IGSF9B: variants seen among roughly 807,000 people sequenced by gnomAD.
The protein encoded by IGSF9B is immunoglobulin superfamily member 9B, also known as protein turtle homolog B.
In IGSF9B, 48 loss-of-function variants were observed where a neutral mutation model predicts 143.7. The observed-to-expected ratio is 0.33, with a 90% confidence interval of 0.26 to 0.42. The LOEUF (loss-of-function observed/expected upper bound fraction) is 0.42. Ranked by LOEUF, IGSF9B falls within the 20% of genes least tolerant of loss-of-function variation. The pLI, the probability that IGSF9B is intolerant of heterozygous loss-of-function variation, is 1.00. For synonymous variants in IGSF9B, 903 were observed against 833.1 expected (o/e 1.08, Z -1.44); for missense variants, 1,706 against 1,980.0 (o/e 0.86, Z 2.63).
chr11:133,907,823 C>G lies in IGSF9B; in HGVS notation c.*1246G>C, dbSNP rs934142323. ...GCCCCAGCAGCCAGAGGCGCCCTAG[C>G]TTCACCTGAGCTCATCCCCCTGCAG... On this transcript the variant is annotated 3_prime_UTR_variant, in exon 20 of 20. Coordinates refer to ENST00000533871, the MANE Select transcript of IGSF9B (RefSeq NM_001277285.4). 1.3e-5 allele frequency among the ~76,000 whole-genome samples: 2 copies of G among 152,228 alleles called. No individual in the cohort carries two copies. Among genetic ancestry groups the G allele is most frequent in the African/African-American group, 4.8e-5 (2 of 41,480 alleles).
rs147664648 is a variant in IGSF9B at position 133,902,568 on chromosome 11, CCACA to C, written c.*6497_*6500del. ...CACACACCACATACACACACACACC[CCACA>C]CACACACACACACACCCCACTTACT... On this transcript the variant is annotated 3_prime_UTR_variant, in exon 20 of 20. Transcript: ENST00000533871. Among the ~76,000 whole-genome samples, 9 of 145,146 alleles carry C rather than the reference CCACA, an allele frequency of 6.2e-5. No homozygotes were observed. Among genetic ancestry groups the C allele is most frequent in the Admixed American group, 6.9e-5 (1 of 14,592 alleles).
chr11:133,936,247 C>G, intron 5 of IGSF9B, 53 bp from the exon 6 acceptor site: 1 of 1,559,138 alleles, frequency 6.4e-7, no homozygotes. Flanking sequence ...ACGGCAGCAG[C>G]ACCCAGGCCT....
rs1368827167 is a variant in IGSF9B at position 133,932,134 on chromosome 11, G to C, written c.1047C>G (p.Asp349Glu). ...TGACCACGGTGGCCGGTGGTTCTGCGTCCACAGGGCAGCGGATGTAGCCAT... is the reference window on the plus strand; with the variant it reads ...TGACCACGGTGGCCGGTGGTTCTGCCTCCACAGGGCAGCGGATGTAGCCAT... ...GIHGYIRCPVDAEPPATVVKW... is the reference protein window; with the variant it reads ...GIHGYIRCPVEAEPPATVVKW... Residue 349 changes from aspartate to glutamate, a missense_variant, in exon 8 of 20, where the codon GAC (aspartate) becomes GAG (glutamate). Around this residue, in one of 7 missense-constraint regions of IGSF9B, gnomAD observed 238 missense variants for 452.6 expected, o/e 0.53. Coordinates refer to ENST00000533871, the MANE Select transcript of IGSF9B (RefSeq NM_001277285.4). 1 of 1,613,090 alleles carries C rather than the reference G, an allele frequency of 6.2e-7. No individual in the cohort carries two copies. Among genetic ancestry groups the C allele is most frequent in the South Asian group, 1.1e-5 (1 of 90,886 alleles).
intron 7 of IGSF9B, among the ~76,000 whole-genome samples, chr11:133,935,333 G>C (rs942351477): frequency 4.6e-5 from 7 of 152,262 alleles, no homozygotes; most frequent in Non-Finnish European, 8.8e-5. Context: ...CCACCGTTCA[G>C]AAGGAACTGC....
intron 15 of IGSF9B, among the ~76,000 whole-genome samples, chr11:133,923,552 G>T (rs544881972): frequency 6.6e-6 from 1 of 152,348 alleles, no homozygotes; most frequent in South Asian, 2.1e-4. Flanking sequence ...AGTTGTGTCG[G>T]TAAGTGCCAC....
At chr11:133,934,502 G>C (rs553415674) in intron 7 of IGSF9B, among the ~76,000 whole-genome samples, 1 of 152,222 alleles carries the variant, frequency 6.6e-6, no homozygotes, top group Admixed American at 6.5e-5. Context: ...TGGACCTCAC[G>C]GCTCTCTAAA....
At position 133,909,151 on chromosome 11, in the gene IGSF9B, C is replaced by G. The variant is rs937610223; in HGVS notation, c.4232G>C (p.Cys1411Ser). ...PDPFARLSDL[C>S]HRQLPEDQTA... ...CTGGTCTTCCGGAAGCTGGCGGTGG[C>G]ACAAGTCTGAGAGCCGGGCAAAGGG... is the stretch of plus-strand genomic sequence containing the variant. Residue 1411 changes from cysteine (C) to serine (S), a missense_variant, in exon 20 of 20, where the codon TGC becomes TCC. Transcript: ENST00000533871. The surrounding 1 kb of genome is among the most constrained non-coding windows in gnomAD (Gnocchi z 4.2). 3 of 1,535,786 alleles carry G rather than the reference C, an allele frequency of 2.0e-6. No individual in the cohort carries two copies. In the African/African-American group the frequency reaches 4.1e-5, roughly 21 times the overall value.
chr11:133,922,253 G>A (rs1231221900), intron 16 of IGSF9B, 31 bp from the exon 17 acceptor site: 2 of 1,602,790 alleles, frequency 1.2e-6, no homozygotes, highest in Admixed American at 1.7e-5. Context: ...AGAGGCTGCT[G>A]AGGCCAAGCC....
At chr11:133,912,159 C>G in intron 18 of IGSF9B, 152 bp from the exon 19 acceptor site, 1 of 881,962 alleles carries the variant, frequency 1.1e-6, no homozygotes, top group Admixed American at 2.1e-5. Context: ...ATGACACCCG[C>G]CTTTCTATTG....
chr11:133,935,345 C>T (rs1939803217), intron 7 of IGSF9B, among the ~76,000 whole-genome samples: 1 of 152,228 alleles, frequency 6.6e-6, no homozygotes, highest in African/African-American at 2.4e-5. Context: ...AGGAACTGCT[C>T]AAAGGTGTCT....
intron 15 of IGSF9B, 137 bp from the exon 16 acceptor site, chr11:133,922,867 A>G (rs1591713402): frequency 1.3e-6 from 1 of 754,814 alleles, no homozygotes; most frequent in East Asian, 2.7e-5. Context: ...GCTGAACTCT[A>G]GCACTGAAGA....
Position 133,919,865 on chromosome 11 carries a change from G to A in IGSF9B, c.3860C>T (p.Pro1287Leu), listed in dbSNP as rs1939479643. The stretch of plus-strand genomic sequence containing the variant: ...CCCAGGCCCAGCAGGGGCGGGGCCG[G>A]GTGGAGGGGAAGGGTAGCCGGTGGC... ...TLATGYPSPP[P>L]GPAPAGPGDS... Residue 1287 changes from proline to leucine, a missense_variant, in exon 18 of 20, where the codon CCC (proline) becomes CTC (leucine). Physicochemically the swap from Pro to Leu is moderately conservative, Grantham distance 98. Transcript: ENST00000533871. 5 of 1,584,290 alleles carry A rather than the reference G, an allele frequency of 3.2e-6. No homozygotes were observed. The highest frequency in any genetic ancestry group is 4.3e-6 in the Non-Finnish European group (5 of 1,164,404).
At chr11:133,943,930 C>A (rs1270388809) in intron 3 of IGSF9B, among the ~76,000 whole-genome samples, 2 of 152,238 alleles carry the variant, frequency 1.3e-5, no homozygotes, top group African/African-American at 4.8e-5. Flanking sequence ...CCTCAGCCCT[C>A]CTGGTTTGAA....
intron 1 of IGSF9B, among the ~76,000 whole-genome samples, chr11:133,955,462 G>C (rs962814295): frequency 6.6e-6 from 1 of 152,360 alleles, no homozygotes; most frequent in East Asian, 1.9e-4. Flanking sequence ...GCACAGACGA[G>C]TGACGAGGGG....
At position 133,940,062 on chromosome 11, in the gene IGSF9B, A is replaced by AG. The variant is rs1555095998; in HGVS notation, c.410-2102_410-2101insC. Among the ~76,000 whole-genome samples the AG allele has an allele frequency of 3.2e-5, 4 of 124,016 alleles. 1 individual carries two copies. The highest frequency in any genetic ancestry group is 6.8e-5 in the Non-Finnish European group (4 of 58,692). 81.4% of individuals were successfully genotyped at this position (124,016 alleles called of 152,430 possible). On this transcript the variant is annotated intron_variant, in intron 3 of 19. Coordinates refer to ENST00000533871, the MANE Select transcript of IGSF9B (RefSeq NM_001277285.4). Reference sequence around the variant, plus strand: ...CTCGCATGTCCTCGCACGTGTCATCATATACAGAAACATACACCTTGCACG... The same window carrying AG: ...CTCGCATGTCCTCGCACGTGTCATCAGTATACAGAAACATACACCTTGCACG...
chr11:133,920,500 G>A lies in IGSF9B; in HGVS notation c.3225C>T (p.Gly1075=). ...AGGTGGGGGGCAGTCCTCGGGGGAG[G>A]CCGGCCTTGGGCTGCAGACTCTCGG... The part of the protein sequence containing the change: ...DVPESLQPKA[G]LPRGLPPTSL... Residue 1075 remains glycine (G), a synonymous_variant, in exon 18 of 20, where the codon GGC becomes GGT. Coordinates refer to ENST00000533871, the MANE Select transcript of IGSF9B (RefSeq NM_001277285.4). 2 of 1,585,964 alleles carry A rather than the reference G, an allele frequency of 1.3e-6. No homozygotes were observed. The highest frequency in any genetic ancestry group is 8.6e-7 in the Non-Finnish European group (1 of 1,165,320).
Position 133,920,425 on chromosome 11 carries a change from C to A in IGSF9B, c.3300G>T (p.Pro1100=). ...AYPGILSLEA[P]KGWAGKSPGR... is the part of the protein sequence containing the mutation. ...CGGGCGACTTGCCTGCCCAACCCTT[C>A]GGTGCCTCCAGAGACAGGATGCCCG... Residue 1100 remains proline (P), a synonymous_variant, in exon 18 of 20, where the codon CCG becomes CCT. Transcript: ENST00000533871. 1 of 1,583,376 alleles carries A rather than the reference C, an allele frequency of 6.3e-7. No individual in the cohort carries two copies. The highest frequency in any genetic ancestry group is 1.1e-5 in the South Asian group (1 of 87,002).
intron 7 of IGSF9B, among the ~76,000 whole-genome samples, chr11:133,934,454 T>C (rs1296395169): frequency 2.0e-5 from 3 of 152,256 alleles, no homozygotes; most frequent in African/African-American, 7.2e-5. Context: ...CAACTCGCTT[T>C]TTCCCGCTGC....
At chr11:133,925,696 C>T (rs894240295) in intron 14 of IGSF9B, 43 bp downstream of exon 14, 2 of 1,556,344 alleles carry the variant, frequency 1.3e-6, no homozygotes, top group African/African-American at 2.7e-5. Flanking sequence ...CTTGTCGCTT[C>T]CCGGATTTGG....
Sources: gnomAD v4.1 joint callset for allele counts (sites outside exome capture counted in the v4.1 genomes callset) on GRCh38, gnomAD v4.1.1 for gene constraint, gnomAD v4.1.1 regional missense constraint, Gnocchi (gnomAD v3.1) non-coding constraint, MANE v1.5 for transcripts, NCBI Gene and HGNC (gene_info 2026-07-23, HGNC 2026-07-21) for gene names.